Variants in SCN8A observed in about 807,000 individuals in gnomAD.
SCN8A encodes sodium voltage-gated channel alpha subunit 8, also known as sodium channel protein type 8 subunit alpha.
Under a neutral mutation model 184.1 loss-of-function variants are expected in SCN8A, and 30 were observed. The observed-to-expected ratio is 0.16, with a 90% CI of 0.12 to 0.22. The LOEUF (loss-of-function observed/expected upper bound fraction) is 0.22. SCN8A is among the 10% of genes least tolerant of loss of function. The pLI, the probability that SCN8A is intolerant of heterozygous loss-of-function variation, is 1.00. For missense variants in SCN8A, 1,057 were observed against 2,498.9 expected, an observed-to-expected ratio of 0.42 and a Z score of 12.30; for synonymous variants, 852 against 907.0, an observed-to-expected ratio of 0.94 and a Z score of 1.09.
intron 7 of SCN8A, among the ~76,000 whole-genome samples, chr12:51,700,651 G>C (rs1295602403): frequency 2.0e-5 from 3 of 152,144 alleles, no homozygotes. Context: ...AATAAAGTCA[G>C]TTTAGTAACC....
At position 51,612,784 on chromosome 12, in the gene SCN8A, C is replaced by T. The variant is rs144719871; in HGVS notation, c.-55+21425C>T. Reference sequence around the variant, plus strand: ...TTGACCAGGCTGGAGTGCAATGGTACGATCTCAGCTCACTGCAACCTCCGC... The same window carrying T: ...TTGACCAGGCTGGAGTGCAATGGTATGATCTCAGCTCACTGCAACCTCCGC... On this transcript the variant is annotated intron_variant, in intron 1 of 26. Coordinates refer to ENST00000627620, the MANE Select transcript of SCN8A (RefSeq NM_001330260.2). Among the ~76,000 whole-genome samples the T allele has an allele frequency of 2.9e-3, 446 of 152,108 alleles. 3 individuals are homozygous for T. The highest frequency in any genetic ancestry group is 0.01 in the African/African-American group (425 of 41,488).
At chr12:51,712,933 C>T in intron 11 of SCN8A, 1 of 1,592,448 alleles carries the variant, frequency 6.3e-7, no homozygotes, top group Non-Finnish European at 8.6e-7. Flanking sequence ...TCCTCCGCAA[C>T]CCATAAAATT....
At chr12:51,624,529 T>C (rs1370953771) in intron 1 of SCN8A, among the ~76,000 whole-genome samples, 1 of 151,860 alleles carries the variant, frequency 6.6e-6, no homozygotes, top group Non-Finnish European at 1.5e-5. Context: ...GTCAGATGAG[T>C]AGATTGCAAA....
intron 2 of SCN8A, among the ~76,000 whole-genome samples, chr12:51,680,235 T>A (rs1941306620): frequency 6.6e-6 from 1 of 152,132 alleles, no homozygotes; most frequent in South Asian, 2.1e-4. Context: ...TAGAAAGGGG[T>A]GATGGTAAAT....
At chr12:51,725,848 T>A (rs373529) in intron 12 of SCN8A, among the ~76,000 whole-genome samples, 1 of 152,172 alleles carries the variant, frequency 6.6e-6, no homozygotes, top group Non-Finnish European at 1.5e-5. Flanking sequence ...GGGCTAGGAT[T>A]TAGTGATTGT....
intron 15 of SCN8A, among the ~76,000 whole-genome samples, chr12:51,764,880 T>C (rs1203923974): frequency 6.6e-6 from 1 of 151,666 alleles, no homozygotes. Context: ...ATTCAAGTGA[T>C]TGTCATGCCT....
At chr12:51,780,858 T>C in intron 21 of SCN8A, 87 bp downstream of exon 21, 1 of 1,350,692 alleles carries the variant, frequency 7.4e-7, no homozygotes. Flanking sequence ...GGAAAGATCA[T>C]TCAAACACGA....
At chr12:51,768,263 A>T (rs566112288) in intron 16 of SCN8A, 2 of 152,364 alleles carry the variant, frequency 1.3e-5, no homozygotes, top group East Asian at 3.9e-4. Context: ...CTTGTATCTG[A>T]TGGCTTGACA....
chr12:51,706,928 A>G (rs1423581157), intron 11 of SCN8A, among the ~76,000 whole-genome samples: 2 of 152,042 alleles, frequency 1.3e-5, no homozygotes, highest in Non-Finnish European at 1.5e-5. Flanking sequence ...CAAGAGATCC[A>G]CTTTTTTAGC....
chr12:51,721,249 C>T (rs1169646627), intron 11 of SCN8A, among the ~76,000 whole-genome samples: 2 of 151,326 alleles, frequency 1.3e-5, no homozygotes, highest in African/African-American at 4.9e-5. Context: ...AAATACACAG[C>T]CATGTGCTTT....
intron 1 of SCN8A, among the ~76,000 whole-genome samples, chr12:51,603,789 T>A (rs1034785053): frequency 2.1e-4 from 32 of 152,268 alleles, no homozygotes; most frequent in African/African-American, 7.5e-4. Context: ...TCATTGTGAT[T>A]TCAGTTTGCA....
At chr12:51,707,821 A>G (rs1165489661) in intron 11 of SCN8A, among the ~76,000 whole-genome samples, 1 of 152,192 alleles carries the variant, frequency 6.6e-6, no homozygotes, top group Non-Finnish European at 1.5e-5. Context: ...CATTGGCTCA[A>G]TAAGCCTAAA....
chr12:51,781,869 AAATT>A (rs1331153841), intron 21 of SCN8A, among the ~76,000 whole-genome samples: 1 of 152,216 alleles, frequency 6.6e-6, no homozygotes, highest in African/African-American at 2.4e-5. Context: ...GTAAGAATAA[AAATT>A]AAACTGTTAC....
At chr12:51,630,360 C>T (rs1237764408) in intron 1 of SCN8A, among the ~76,000 whole-genome samples, 1 of 152,040 alleles carries the variant, frequency 6.6e-6, no homozygotes, top group African/African-American at 2.4e-5. Context: ...AAGAATTACA[C>T]AGTATTTGTC....
chr12:51,801,031 G>A (rs1045374848), intron 26 of SCN8A, among the ~76,000 whole-genome samples: 2 of 152,182 alleles, frequency 1.3e-5, no homozygotes, highest in East Asian at 1.9e-4. Context: ...TTAGCCTTTT[G>A]TCCACTTGAC....
intron 1 of SCN8A, among the ~76,000 whole-genome samples, chr12:51,606,552 T>G (rs1165337860): frequency 6.6e-6 from 1 of 152,156 alleles, no homozygotes; most frequent in Non-Finnish European, 1.5e-5. Context: ...TTTTGCTTAG[T>G]CTTGCTTTGG....
chr12:51,615,743 G>A (rs1444527798), intron 1 of SCN8A, among the ~76,000 whole-genome samples: 1 of 151,990 alleles, frequency 6.6e-6, no homozygotes, highest in Non-Finnish European at 1.5e-5. Context: ...GTGGAGACAA[G>A]GTCTTACTCT....
intron 1 of SCN8A, among the ~76,000 whole-genome samples, chr12:51,616,773 G>A (rs949056268): frequency 6.6e-6 from 1 of 151,936 alleles, no homozygotes; most frequent in African/African-American, 2.4e-5. Context: ...TAAAAAATTA[G>A]CCAGGCATGG....
chr12:51,684,441 C>T (rs1244250850), intron 3 of SCN8A, 149 bp downstream of exon 3: 18 of 651,362 alleles, frequency 2.8e-5, no homozygotes, highest in South Asian at 1.0e-4. Context: ...GAGTGAACTC[C>T]TGCCACATCC....
Sources: allele counts gnomAD v4.1 joint callset (sites outside exome capture counted in the v4.1 genomes callset), GRCh38; gene constraint gnomAD v4.1.1; transcripts MANE v1.5; gene names NCBI Gene and HGNC (gene_info 2026-07-23, HGNC 2026-07-21).